The following WDR19 variants were observed in gnomAD, a reference collection of about 807,000 sequenced individuals.
The protein encoded by WDR19 is WD repeat-containing protein 19.
WDR19 carries 121 observed loss-of-function variants against 180.0 expected under a neutral mutation model. The ratio of observed to expected loss-of-function variants is 0.67; its 90% CI spans 0.58 to 0.78. The LOEUF (loss-of-function observed/expected upper bound fraction) is 0.78, where lower values mean the gene tolerates loss of function less well. Among genes scored for constraint, WDR19 ranks in the 30% least tolerant of loss-of-function variants. The pLI is 0.00. For missense variants in WDR19, 1,450 were observed against 1,640.7 expected, an observed-to-expected ratio of 0.88 and a Z score of 2.01; for synonymous variants, 497 against 540.7, an observed-to-expected ratio of 0.92 and a Z score of 1.12.
At chr4:39,194,476 C>T (rs1726501549) in intron 4 of WDR19, 68 bp from the exon 5 acceptor site, 1 of 1,011,488 alleles carries the variant, frequency 9.9e-7, no homozygotes, top group African/African-American at 1.6e-5. Context: ...CCAAGGAGTA[C>T]TTTTTTAAAG....
At chr4:39,245,209 A>G (rs1732393343) in intron 23 of WDR19, among the ~76,000 whole-genome samples, 160 bp from the exon 24 acceptor site, 1 of 151,692 alleles carries the variant, frequency 6.6e-6, no homozygotes, top group South Asian at 2.1e-4. Context: ...AGCCTTCCAA[A>G]GTTCTGGGAT....
intron 1 of WDR19, among the ~76,000 whole-genome samples, chr4:39,185,020 C>T (rs1371295504): frequency 2.6e-5 from 4 of 152,086 alleles, no homozygotes; most frequent in Non-Finnish European, 5.9e-5. Context: ...TAAAAATTAA[C>T]AACGAGATAG....
chr4:39,231,325 A>AG (rs1730835612), intron 17 of WDR19, among the ~76,000 whole-genome samples: 1 of 151,694 alleles, frequency 6.6e-6, no homozygotes, highest in Admixed American at 6.6e-5. Flanking sequence ...CAAAAAAAAA[A>AG]AAAAAAAAAA....
At chr4:39,233,320 G>A (rs1731069749) in intron 19 of WDR19, among the ~76,000 whole-genome samples, 1 of 152,138 alleles carries the variant, frequency 6.6e-6, no homozygotes, top group African/African-American at 2.4e-5. Context: ...TAGCAATGAG[G>A]GGCATAGACT....
intron 23 of WDR19, among the ~76,000 whole-genome samples, chr4:39,245,048 TG>T (rs1467957061): frequency 4.6e-5 from 7 of 151,310 alleles, no homozygotes; most frequent in South Asian, 4.2e-4. Flanking sequence ...GCAATTCTCC[TG>T]CCTCAGCCTC....
chr4:39,255,893 A>T lies in WDR19; in HGVS notation c.3047A>T (p.Tyr1016Phe). The T allele has an allele frequency of 6.2e-7, 1 of 1,608,790 alleles. No individual in the cohort carries two copies. Among genetic ancestry groups the T allele is most frequent in the Non-Finnish European group, 8.5e-7 (1 of 1,177,454 alleles). ...TNEDYQSIAL[Y>F]FEGEKRYLQA... ...GAAGACTATCAAAGCATTGCCTTAT[A>T]CTTTGAAGGAGAAAAGAGATATCTT... The change falls in exon 27 of 37, where the codon TAC becomes TTC. Residue 1016 changes from tyrosine to phenylalanine, a missense_variant. Coordinates refer to ENST00000399820, the MANE Select transcript of WDR19 (RefSeq NM_025132.4).
chr4:39,284,331 ATTTTT>A (rs143848496), intron 36 of WDR19, among the ~76,000 whole-genome samples: 4,362 of 91,612 alleles, frequency 0.048, 69 homozygotes, highest in Middle Eastern at 0.086. Context: ...AGTAAAAAAA[ATTTTT>A]TTTTTTTTTT....
intron 1 of WDR19, among the ~76,000 whole-genome samples, chr4:39,184,303 G>A: frequency 6.6e-6 from 1 of 151,746 alleles, no homozygotes; most frequent in East Asian, 2.0e-4. Context: ...CCAGCTATTC[G>A]GGAGGCTGAG....
At chr4:39,236,147 G>A (rs1352137331) in intron 20 of WDR19, among the ~76,000 whole-genome samples, 1 of 151,988 alleles carries the variant, frequency 6.6e-6, no homozygotes, top group African/African-American at 2.4e-5. Flanking sequence ...ATACCCAAAG[G>A]GAAAGAAATC....
At chr4:39,261,537 G>A (rs1267150578) in intron 28 of WDR19, among the ~76,000 whole-genome samples, 3 of 152,214 alleles carry the variant, frequency 2.0e-5, no homozygotes, top group African/African-American at 7.2e-5. Flanking sequence ...AGTGTCCATT[G>A]CAGGTTTAAT....
At chr4:39,246,799 C>G (rs1398761426) in intron 24 of WDR19, among the ~76,000 whole-genome samples, 3 of 152,196 alleles carry the variant, frequency 2.0e-5, no homozygotes, top group African/African-American at 7.2e-5. Context: ...AGCAGAAAGG[C>G]TGGTGGACGG....
intron 33 of WDR19, 151 bp from the exon 34 acceptor site, chr4:39,276,869 G>A: frequency 1.1e-6 from 1 of 942,324 alleles, no homozygotes; most frequent in Non-Finnish European, 1.6e-6. Context: ...ATCAAGGGCT[G>A]GTGTGAGCTT....
intron 30 of WDR19, among the ~76,000 whole-genome samples, chr4:39,269,003 G>T (rs1735080209): frequency 6.6e-6 from 1 of 152,128 alleles, no homozygotes; most frequent in Non-Finnish European, 1.5e-5. Context: ...GGATGGGGGA[G>T]CAGGTGACGA....
Position 39,217,186 on chromosome 4 carries a change from C to G in WDR19, c.1302C>G (p.Cys434Trp). The G allele has an allele frequency of 6.2e-7, 1 of 1,608,888 alleles. No individual in the cohort carries two copies. The highest frequency in any genetic ancestry group is 8.5e-7 in the Non-Finnish European group (1 of 1,177,734). The change falls in exon 13 of 37, where the codon TGC becomes TGG. Residue 434 changes from cysteine (C) to tryptophan (W), a missense_variant. Transcript: ENST00000399820. ...ATCTGGGAACAGTAGCCAGTATTTGCCTTCATTCTGACTATGCTGCTGCAC... is the reference window on the plus strand; with the variant it reads ...ATCTGGGAACAGTAGCCAGTATTTGGCTTCATTCTGACTATGCTGCTGCAC... ...MEYLGTVASI[C>W]LHSDYAAALF...
rs916752399 is a variant in WDR19 at position 39,231,900 on chromosome 4, C to T, written c.2086C>T (p.Arg696Cys). Residue 696 changes from arginine to cysteine, a missense_variant, in exon 18 of 37, where the codon CGT (arginine) becomes TGT (cysteine). By Grantham distance (180) the Arg-to-Cys change is radical. Coordinates refer to ENST00000399820, the MANE Select transcript of WDR19 (RefSeq NM_025132.4). ...TCACATGGAAGTGGAGTTTGCAATC[C>T]GTGTTTATCGGAGAATTGGAAATGT... ...LHHMEVEFAI[R>C]VYRRIGNVGI... is the part of the protein sequence containing the mutation. 3.7e-6 allele frequency: 6 copies of T among 1,613,490 alleles called. No homozygotes were observed. Among genetic ancestry groups the T allele is most frequent in the Admixed American group, 1.7e-5 (1 of 60,006 alleles).
At chr4:39,194,483 A>T in intron 4 of WDR19, 61 bp from the exon 5 acceptor site, 1 of 1,073,640 alleles carries the variant, frequency 9.3e-7, no homozygotes, top group Non-Finnish European at 1.3e-6. Context: ...GTACTTTTTT[A>T]AAGGACTGTT....
At chr4:39,232,303 T>G in intron 19 of WDR19, 31 bp downstream of exon 19, 1 of 1,560,622 alleles carries the variant, frequency 6.4e-7, no homozygotes, top group African/African-American at 1.4e-5. Flanking sequence ...GGAAATTGTG[T>G]AAGAGGTATC....
At chr4:39,206,583 A>G in intron 9 of WDR19, among the ~76,000 whole-genome samples, 1 of 152,214 alleles carries the variant, frequency 6.6e-6, no homozygotes, top group Non-Finnish European at 1.5e-5. Flanking sequence ...TAGGGATTGG[A>G]AAGTACTAGA....
At chr4:39,249,847 TA>T (rs1236792974) in intron 24 of WDR19, among the ~76,000 whole-genome samples, 1 of 152,128 alleles carries the variant, frequency 6.6e-6, no homozygotes, top group African/African-American at 2.4e-5. Context: ...ATTGAGGCAA[TA>T]ATTAATAGCT....
Sources: gnomAD v4.1 joint callset for allele counts (sites outside exome capture counted in the v4.1 genomes callset) on GRCh38, gnomAD v4.1.1 for gene constraint, MANE v1.5 for transcripts, NCBI Gene and HGNC (gene_info 2026-07-23, HGNC 2026-07-21) for gene names.